ROPN1B: variants seen among roughly 807,000 people sequenced by gnomAD.
ROPN1B encodes ropporin-1B.
ROPN1B carries 13 observed loss-of-function variants against 23.7 expected under a neutral mutation model. The observed-to-expected ratio is 0.55, with a 90% CI of 0.36 to 0.87. The LOEUF (loss-of-function observed/expected upper bound fraction) is 0.87. ROPN1B is among the 40% of genes least tolerant of loss of function. The pLI is 0.01. For synonymous variants in ROPN1B, 67 were observed against 100.4 expected (o/e 0.67, Z 1.99); for missense variants, 183 against 249.2 (o/e 0.73, Z 1.79).
At chr3:125,974,086 C>T (rs144514060) in intron 3 of ROPN1B, among the ~76,000 whole-genome samples, 268 of 152,322 alleles carry the variant, frequency 1.8e-3, no homozygotes, top group African/African-American at 5.9e-3. Flanking sequence ...TGTTGTCTAA[C>T]CAATTCCACA....
At chr3:125,970,733 AATC>A (rs1408127687) in intron 1 of ROPN1B, among the ~76,000 whole-genome samples, 1 of 152,246 alleles carries the variant, frequency 6.6e-6, no homozygotes, top group East Asian at 1.9e-4. Context: ...GTCTAAAATT[AATC>A]ATTATTTTAT....
chr3:125,973,029 C>A, intron 3 of ROPN1B: 1 of 372,706 alleles, frequency 2.7e-6, no homozygotes, highest in South Asian at 2.0e-5. Flanking sequence ...AACTGGGGAA[C>A]CAGGACTTGA....
intron 3 of ROPN1B, 39 bp from the exon 4 acceptor site, chr3:125,975,524 G>A (rs776615341): frequency 4.5e-6 from 7 of 1,568,378 alleles, no homozygotes; most frequent in East Asian, 4.5e-5. Flanking sequence ...GGCCACTGGT[G>A]TATAGGATCC....
intron 1 of ROPN1B, chr3:125,970,179 C>T (rs1938145579): frequency 6.6e-6 from 1 of 151,186 alleles, no homozygotes; most frequent in African/African-American, 2.4e-5. Context: ...AGGGTATGTA[C>T]AATGGAACTG....
chr3:125,970,388 T>C (rs1383967594), intron 1 of ROPN1B, among the ~76,000 whole-genome samples: 1 of 152,162 alleles, frequency 6.6e-6, no homozygotes, highest in East Asian at 1.9e-4. Flanking sequence ...CCTGGAGCCT[T>C]TCATTCATGT....
chr3:125,980,997 G>A (rs1473397933), intron 5 of ROPN1B, among the ~76,000 whole-genome samples: 1 of 151,978 alleles, frequency 6.6e-6, no homozygotes, highest in Non-Finnish European at 1.5e-5. Flanking sequence ...CAGGGACAGA[G>A]GAGAGGAAAG....
In ROPN1B at chr3:125,971,996, T is replaced by G. The variant is rs559977062; in HGVS notation, c.-12-47T>G. On this transcript the variant is annotated intron_variant, in intron 2 of 6. Transcript: ENST00000514116. ...CCTCCTGTCCAGGATTGCTCTCATC[T>G]TATGAGTCCAAGTTTTCATCTTATG... The G allele has an allele frequency of 1.7e-4, 274 of 1,573,704 alleles. 1 individual carries two copies. In the South Asian group the frequency reaches 3.1e-3, roughly 18 times the overall value.
At chr3:125,971,483 C>T (rs112513616) in intron 2 of ROPN1B, among the ~76,000 whole-genome samples, 3 of 152,150 alleles carry the variant, frequency 2.0e-5, no homozygotes, top group East Asian at 1.9e-4. Flanking sequence ...ACGAGTTTTC[C>T]GCCTGACAAT....
At chr3:125,975,164 CA>C (rs1252192850) in intron 3 of ROPN1B, among the ~76,000 whole-genome samples, 1 of 152,162 alleles carries the variant, frequency 6.6e-6, no homozygotes, top group Non-Finnish European at 1.5e-5. Context: ...TTCTTACGTA[CA>C]TTACTTTTTA....
intron 1 of ROPN1B, chr3:125,970,064 G>A (rs368970811): frequency 6.6e-6 from 1 of 150,564 alleles, no homozygotes; most frequent in Non-Finnish European, 1.5e-5. Flanking sequence ...TAGGCACTGG[G>A]ATGGTGTGGT....
chr3:125,979,505 G>A (rs1399184742), intron 5 of ROPN1B, among the ~76,000 whole-genome samples: 4 of 152,154 alleles, frequency 2.6e-5, no homozygotes, highest in Admixed American at 6.5e-5. Flanking sequence ...CACATAGAAG[G>A]CATCATTCAT....
At chr3:125,971,399 G>A (rs1270599859) in intron 2 of ROPN1B, among the ~76,000 whole-genome samples, 2 of 152,184 alleles carry the variant, frequency 1.3e-5, no homozygotes, top group Non-Finnish European at 2.9e-5. Context: ...TTTATTTGTG[G>A]ATGGAATTGT....
chr3:125,982,682 CAT>C (rs550755323), intron 6 of ROPN1B, among the ~76,000 whole-genome samples: 35 of 152,256 alleles, frequency 2.3e-4, no homozygotes, highest in Admixed American at 2.3e-3. Flanking sequence ...CACCTGAGAA[CAT>C]GTTAGAAATG....
intron 1 of ROPN1B, among the ~76,000 whole-genome samples, 181 bp from the exon 2 acceptor site, chr3:125,970,936 A>C (rs1352686517): frequency 5.3e-5 from 8 of 152,138 alleles, no homozygotes; most frequent in African/African-American, 4.8e-5. Flanking sequence ...TAGAAGCAGC[A>C]ATGGAGACAG....
chr3:125,970,857 T>A (rs370815050), intron 1 of ROPN1B, among the ~76,000 whole-genome samples: 1 of 152,164 alleles, frequency 6.6e-6, no homozygotes, highest in African/African-American at 2.4e-5. Flanking sequence ...CATGCTGGTG[T>A]TGGTATAAAT....
rs536133990 is a variant in ROPN1B, at chr3:125,972,128, C to T, written c.74C>T (p.Ala25Val). The change falls in exon 3 of 7, where the codon GCC becomes GTC. Residue 25 changes from alanine (A) to valine (V), a missense_variant. Ala to Val is a moderately conservative substitution (Grantham distance 64). Coordinates refer to ENST00000514116, the MANE Select transcript of ROPN1B (RefSeq NM_001308313.2). ...PKMLKEFAKA[A>V]IRAQPQDLIQ... The stretch of plus-strand genomic sequence containing the variant: ...ATGCTGAAGGAGTTTGCCAAAGCCG[C>T]CATTCGGGCGCAGCCGCAGGACCTC... 1.2e-5 allele frequency: 19 copies of T among 1,614,218 alleles called. No individual in the cohort carries two copies. The highest frequency in any genetic ancestry group is 4.0e-5 in the African/African-American group (3 of 75,060).
intron 3 of ROPN1B, chr3:125,972,434 C>G: frequency 1.9e-6 from 1 of 531,902 alleles, no homozygotes; most frequent in South Asian, 3.1e-5. Context: ...GGGCAAGCAG[C>G]AAGTTAGATG....
At chr3:125,974,221 C>T (rs1938317524) in intron 3 of ROPN1B, among the ~76,000 whole-genome samples, 1 of 152,210 alleles carries the variant, frequency 6.6e-6, no homozygotes, top group Non-Finnish European at 1.5e-5. Context: ...GTTTATAAAG[C>T]CTGAGTCCAC....
At chr3:125,975,809 C>T (rs1030494771) in intron 4 of ROPN1B, 129 bp downstream of exon 4, 18 of 734,786 alleles carry the variant, frequency 2.4e-5, no homozygotes, top group East Asian at 8.1e-5. Context: ...TACACTAAAC[C>T]GTGGACTGAA....
Sources: allele counts gnomAD v4.1 joint callset (sites outside exome capture counted in the v4.1 genomes callset), GRCh38; gene constraint gnomAD v4.1.1; transcripts MANE v1.5; gene names NCBI Gene and HGNC (gene_info 2026-07-23, HGNC 2026-07-21).